Variants in LRMDA observed in about 807,000 individuals in gnomAD.
LRMDA encodes the protein leucine rich melanocyte differentiation associated, also known as leucine-rich melanocyte differentiation-associated protein.
LRMDA carries 18 observed loss-of-function variants against 29.8 expected under a neutral mutation model. That is an observed-to-expected ratio of 0.60 (90% CI 0.42 to 0.90). The LOEUF (loss-of-function observed/expected upper bound fraction) is 0.90, where lower values mean the gene tolerates loss of function less well. LRMDA is among the 40% of genes least tolerant of loss of function. The pLI is 0.00. For synonymous variants in LRMDA, 125 were observed against 109.4 expected, an observed-to-expected ratio of 1.14 and a Z score of -0.89; for missense variants, 273 against 273.9, an observed-to-expected ratio of 1.00 and a Z score of 0.02.
chr10:76,212,760 T>C lies in LRMDA; in HGVS notation c.517-111641T>C, dbSNP rs182771319. On this transcript the variant is annotated intron_variant, in intron 5 of 6. Transcript: ENST00000611255. ...ACCACTAAGAATCTTCCACATGGAT[T>C]GGGAATCCTGTGCCAAGGAGTTTGC... Among the ~76,000 whole-genome samples the C allele has an allele frequency of 2.0e-5, 3 of 152,340 alleles. No homozygotes were observed. In the East Asian group the frequency reaches 5.8e-4, roughly 29 times the overall value.
At chr10:76,014,964 G>A (rs575064528) in intron 2 of LRMDA, among the ~76,000 whole-genome samples, 1 of 152,320 alleles carries the variant, frequency 6.6e-6, no homozygotes, top group East Asian at 1.9e-4. Context: ...ACCTCCTGAC[G>A]TTTAGCTTAT....
intron 2 of LRMDA, among the ~76,000 whole-genome samples, chr10:75,686,292 C>T (rs1442840567): frequency 3.3e-5 from 5 of 152,126 alleles, no homozygotes; most frequent in Admixed American, 2.0e-4. Context: ...GGGAATCTAC[C>T]CAGAGTCTTC....
At chr10:75,831,236 A>G (rs1844338158) in intron 2 of LRMDA, among the ~76,000 whole-genome samples, 1 of 152,170 alleles carries the variant, frequency 6.6e-6, no homozygotes, top group Admixed American at 6.5e-5. Context: ...TTTAGTAGAG[A>G]CGAGGTTTTA....
At chr10:76,109,157 G>A (rs1849534806) in intron 5 of LRMDA, among the ~76,000 whole-genome samples, 1 of 152,136 alleles carries the variant, frequency 6.6e-6, no homozygotes, top group Non-Finnish European at 1.5e-5. Flanking sequence ...CTGGATAACA[G>A]TGTGCCTGCG....
chr10:76,226,522 G>T (rs1053214459), intron 5 of LRMDA, among the ~76,000 whole-genome samples: 2 of 152,178 alleles, frequency 1.3e-5, no homozygotes, highest in African/African-American at 4.8e-5. Flanking sequence ...GGCAGAGGTT[G>T]CAGTGACCCG....
At chr10:76,176,610 A>G (rs1170035667) in intron 5 of LRMDA, among the ~76,000 whole-genome samples, 1 of 152,166 alleles carries the variant, frequency 6.6e-6, no homozygotes, top group Admixed American at 6.5e-5. Context: ...CCTGGCCAAC[A>G]TGGTGAAACC....
intron 5 of LRMDA, among the ~76,000 whole-genome samples, chr10:76,248,323 C>G (rs563614896): frequency 6.6e-6 from 1 of 152,254 alleles, no homozygotes; most frequent in Non-Finnish European, 1.5e-5. Context: ...TTGAGATACC[C>G]TGATCTGGGC....
chr10:76,411,289 G>C (rs1841958524), intron 6 of LRMDA, among the ~76,000 whole-genome samples: 1 of 152,166 alleles, frequency 6.6e-6, no homozygotes, highest in South Asian at 2.1e-4. Flanking sequence ...CCTTCTTGAG[G>C]ATGGCTCTCC....
intron 5 of LRMDA, among the ~76,000 whole-genome samples, chr10:76,258,835 A>G (rs146674713): frequency 6.6e-5 from 10 of 152,278 alleles, no homozygotes; most frequent in African/African-American, 1.9e-4. Flanking sequence ...TTGTGTGTAT[A>G]TATATCACAT....
intron 5 of LRMDA, among the ~76,000 whole-genome samples, chr10:76,136,675 A>G (rs1318748204): frequency 6.6e-6 from 1 of 152,204 alleles, no homozygotes; most frequent in Non-Finnish European, 1.5e-5. Flanking sequence ...TAGATATAGC[A>G]AGTTTAGAGA....
At chr10:75,631,976 G>A (rs1170225505) in intron 2 of LRMDA, among the ~76,000 whole-genome samples, 3 of 152,136 alleles carry the variant, frequency 2.0e-5, no homozygotes, top group Non-Finnish European at 1.5e-5. Flanking sequence ...ATCAGTGTTG[G>A]ATGCCATAAT....
At chr10:76,423,869 A>G (rs1842095599) in intron 6 of LRMDA, among the ~76,000 whole-genome samples, 1 of 152,144 alleles carries the variant, frequency 6.6e-6, no homozygotes, top group Non-Finnish European at 1.5e-5. Context: ...ACAGAATATG[A>G]GGCCCCAAGG....
At chr10:76,312,987 T>C (rs975266173) in intron 5 of LRMDA, among the ~76,000 whole-genome samples, 2 of 152,084 alleles carry the variant, frequency 1.3e-5, no homozygotes, top group African/African-American at 4.8e-5. Context: ...CTAACATCCA[T>C]GAGCAGTGGC....
At chr10:76,199,482 A>G (rs1366432035) in intron 5 of LRMDA, among the ~76,000 whole-genome samples, 1 of 152,172 alleles carries the variant, frequency 6.6e-6, no homozygotes, top group Non-Finnish European at 1.5e-5. Flanking sequence ...TTGCAGAACC[A>G]TGCTGAGGCT....
chr10:76,135,580 G>T (rs953006592), intron 5 of LRMDA, among the ~76,000 whole-genome samples: 4 of 152,198 alleles, frequency 2.6e-5, no homozygotes, highest in African/African-American at 9.6e-5. Context: ...ATTTCTGGAG[G>T]CCAGAAGTCT....
chr10:75,923,445 A>G (rs1158412059), intron 2 of LRMDA, among the ~76,000 whole-genome samples: 1 of 152,152 alleles, frequency 6.6e-6, no homozygotes, highest in Non-Finnish European at 1.5e-5. Context: ...GCGCTGTCAT[A>G]AAAACAGCCG....
chr10:75,541,402 CTTTTT>C (rs35660494), intron 2 of LRMDA, among the ~76,000 whole-genome samples: 1 of 136,828 alleles, frequency 7.3e-6, no homozygotes, highest in East Asian at 2.1e-4. Context: ...TCCCCACAAA[CTTTTT>C]TTTTTTTTTT....
rs115580045 is a variant in LRMDA at position 75,846,657 on chromosome 10, C to T, written c.132-189351C>T. 1.7e-3 allele frequency among the ~76,000 whole-genome samples: 259 copies of T among 152,084 alleles called. 2 individuals are homozygous for T. The highest frequency in any genetic ancestry group is 6.0e-3 in the African/African-American group (248 of 41,484). ...GCTTCAAATGTTATGTGCAAAGCACCATATTAAGTGTGGAGTGTAGGCAAA... is the reference window on the plus strand; with the variant it reads ...GCTTCAAATGTTATGTGCAAAGCACTATATTAAGTGTGGAGTGTAGGCAAA... On this transcript the variant is annotated intron_variant, in intron 2 of 6. Coordinates refer to ENST00000611255, the MANE Select transcript of LRMDA (RefSeq NM_001305581.2).
intron 2 of LRMDA, among the ~76,000 whole-genome samples, chr10:76,014,264 T>C (rs1847846309): frequency 6.6e-6 from 1 of 150,544 alleles, no homozygotes; most frequent in Admixed American, 6.7e-5. Flanking sequence ...GACCCACAAA[T>C]CCTAATATAT....
Sources: gnomAD v4.1 joint callset for allele counts (sites outside exome capture counted in the v4.1 genomes callset) on GRCh38, gnomAD v4.1.1 for gene constraint, MANE v1.5 for transcripts, NCBI Gene and HGNC (gene_info 2026-07-23, HGNC 2026-07-21) for gene names.